MAP4K2: variants seen among roughly 807,000 people sequenced by gnomAD.
MAP4K2 encodes the protein mitogen-activated protein kinase kinase kinase kinase 2.
In MAP4K2, 85 loss-of-function variants were observed where a neutral mutation model predicts 125.3. That is an observed-to-expected ratio of 0.68 (90% CI 0.57 to 0.81). MAP4K2 has a LOEUF of 0.81. MAP4K2 is among the 40% of genes least tolerant of loss of function. The pLI, the probability that MAP4K2 is intolerant of heterozygous loss-of-function variation, is 0.00. For synonymous variants in MAP4K2, 479 were observed against 445.1 expected, an observed-to-expected ratio of 1.08 and a Z score of -0.96; for missense variants, 923 against 1,056.4, an observed-to-expected ratio of 0.87 and a Z score of 1.75.
chr11:64,796,667 G>A lies in MAP4K2; in HGVS notation c.1539C>T (p.Asn513=). 2 of 1,614,144 alleles carry A rather than the reference G, an allele frequency of 1.2e-6. No homozygotes were observed. Among genetic ancestry groups the A allele is most frequent in the Non-Finnish European group, 1.7e-6 (2 of 1,180,036 alleles). Residue 513 remains asparagine, a synonymous_variant, in exon 22 of 32, where the codon AAC becomes AAT. Transcript: ENST00000294066. ...VGAEEGIYTL[N]LHELHEDTLE... ...GCGTATCCTCATGCAGTTCATGCAG[G>A]TTGAGTGTGTAGATGCCTTCCTCGG...
At chr11:64,802,758 T>C in intron 2 of MAP4K2, 105 bp from the exon 3 acceptor site, 1 of 1,463,576 alleles carries the variant, frequency 6.8e-7, no homozygotes, top group Non-Finnish European at 9.4e-7. Context: ...GCCAGGCAGG[T>C]GCAGGTGACA....
In MAP4K2 at chr11:64,792,353, C is replaced by T. The variant is rs769373853; in HGVS notation, c.1810+11G>A. On this transcript the variant is annotated intron_variant, in intron 25 of 31. Transcript: ENST00000294066. ...CAGGCCCCGCCCCACCCCGCCCAGC[C>T]CATTTCTTACCCACACGACACTGCA... is the stretch of plus-strand genomic sequence containing the variant. The T allele has an allele frequency of 1.3e-6, 2 of 1,574,660 alleles. No individual in the cohort carries two copies. The highest frequency in any genetic ancestry group is 1.7e-6 in the Non-Finnish European group (2 of 1,159,318).
Position 64,797,358 on chromosome 11 carries a change from G to A in MAP4K2, c.1193C>T (p.Thr398Ile). Residue 398 changes from threonine (T) to isoleucine (I), a missense_variant, in exon 18 of 32, where the codon ACC (threonine) becomes ATC (isoleucine). Coordinates refer to ENST00000294066, the MANE Select transcript of MAP4K2 (RefSeq NM_004579.5). ...EFQELDSPDD[T>I]MGTIKRAPFL... ...CGGGGCCCGCTTGATGGTTCCCATG[G>A]TATCGTCTGGGGAGTCCAGCTCCTG... 1 of 1,593,412 alleles carries A rather than the reference G, an allele frequency of 6.3e-7. No homozygotes were observed.
intron 10 of MAP4K2, 49 bp from the exon 11 acceptor site, chr11:64,800,441 G>T: frequency 6.3e-7 from 1 of 1,591,962 alleles, no homozygotes. Context: ...TAGCCCTCGT[G>T]CAGGGTGTCC....
chr11:64,789,490 C>G lies in MAP4K2; in HGVS notation c.*47G>C. ...CCCCTTTGCCCAAAAGGGCCTGCAG[C>G]TAAGGCGTGGGGTGGGGCGGGGAGC... On this transcript the variant is annotated 3_prime_UTR_variant, in exon 32 of 32. Coordinates refer to ENST00000294066, the MANE Select transcript of MAP4K2 (RefSeq NM_004579.5). The G allele has an allele frequency of 1.3e-6, 2 of 1,530,326 alleles. No homozygotes were observed. Among genetic ancestry groups the G allele is most frequent in the Non-Finnish European group, 1.8e-6 (2 of 1,127,738 alleles). The allele number at this position is 1,530,326 out of a possible 1,614,324, so 94.8% of individuals were successfully genotyped here. A position where few individuals can be genotyped will look rare whatever the true frequency, so the allele number is the denominator to read the frequency against.
Position 64,798,858 on chromosome 11 carries a change from G to C in MAP4K2, c.1054-21C>G. Reference sequence around the variant, plus strand: ...TCCCACTGGGGGAAACCAAGGTAGAGACCGGGGAAGAAGCAGAGACAGATG... The same window carrying C: ...TCCCACTGGGGGAAACCAAGGTAGACACCGGGGAAGAAGCAGAGACAGATG... On this transcript the variant is annotated intron_variant, in intron 14 of 31. Transcript: ENST00000294066. 2.5e-6 allele frequency: 4 copies of C among 1,580,034 alleles called. No homozygotes were observed. In the South Asian group the frequency reaches 3.5e-5, roughly 14 times the overall value.
In MAP4K2 at chr11:64,786,847, CA is replaced by C. The variant is rs2136030214; in HGVS notation, c.*2689del. ...ATTTCCACCAATAGGGATCTCACTG[CA>C]GGTCATTAACATTTGTTATGGGAAA... On this transcript the variant is annotated 3_prime_UTR_variant, in exon 32 of 32. Coordinates refer to ENST00000294066, the MANE Select transcript of MAP4K2 (RefSeq NM_004579.5). The C allele has an allele frequency of 6.6e-6, 1 of 151,588 alleles. No individual in the cohort carries two copies. Among genetic ancestry groups the C allele is most frequent in the Admixed American group, 6.6e-5 (1 of 15,224 alleles). 9.4% of individuals were successfully genotyped at this position (151,588 alleles called of 1,614,324 possible).
Position 64,802,875 on chromosome 11 carries a change from G to C in MAP4K2, c.154+10C>G, listed in dbSNP as rs190283268. On this transcript the variant is annotated intron_variant, in intron 2 of 31. Transcript: ENST00000294066. ...TTCCTCTGGCGCAGAGGCCCGACCCGGGCCCTCACCTGGGTCTAGCTTGAC... is the reference window on the plus strand; with the variant it reads ...TTCCTCTGGCGCAGAGGCCCGACCCCGGCCCTCACCTGGGTCTAGCTTGAC... 6.3e-7 allele frequency: 1 copy of C among 1,598,798 alleles called. No individual in the cohort carries two copies. Among genetic ancestry groups the C allele is most frequent in the African/African-American group, 1.3e-5 (1 of 74,532 alleles).
chr11:64,802,711 C>A, intron 2 of MAP4K2, 58 bp from the exon 3 acceptor site: 1 of 1,550,620 alleles, frequency 6.4e-7, no homozygotes, highest in East Asian at 2.3e-5. Flanking sequence ...ACTCAGTGCC[C>A]CCATCTGCAA....
intron 4 of MAP4K2, 126 bp downstream of exon 4, chr11:64,802,293 A>G: frequency 8.7e-7 from 1 of 1,155,794 alleles, no homozygotes. Context: ...ATTTCTCTCA[A>G]GGTCACACAG....
At position 64,790,197 on chromosome 11, in the gene MAP4K2, C is replaced by T. The variant is rs148398112; in HGVS notation, c.2239G>A (p.Glu747Lys). The T allele has an allele frequency of 3.7e-6, 6 of 1,614,150 alleles. No individual in the cohort carries two copies. In the African/African-American group the frequency reaches 6.7e-5, roughly 18 times the overall value. The part of the protein sequence containing the change: ...APELTFDFPI[E>K]TVVCLQDSVL... The stretch of plus-strand genomic sequence containing the variant: ...CCTCTGGCTCACTCACCCACAGTCT[C>T]GATGGGGAAATCAAAGGTCAGCTCA... The change falls in exon 29 of 32, where the codon GAG becomes AAG. Residue 747 changes from glutamate to lysine, a missense_variant. Transcript: ENST00000294066.
Position 64,788,984 on chromosome 11 carries a change from T to G in MAP4K2, c.*553A>C, listed in dbSNP as rs199655584. 1.2e-5 allele frequency: 2 copies of G among 162,722 alleles called. No homozygotes were observed. Among genetic ancestry groups the G allele is most frequent in the East Asian group, 3.7e-4 (2 of 5,440 alleles). 10.1% of individuals were successfully genotyped at this position (162,722 alleles called of 1,614,324 possible). A position where few individuals can be genotyped will look rare whatever the true frequency, so the allele number is the denominator to read the frequency against. On this transcript the variant is annotated 3_prime_UTR_variant, in exon 32 of 32. Transcript: ENST00000294066. ...GGAAGGCACAGTGCCCCTAGAAGGC[T>G]GCTGGGGGCCATGGCCTCCTGTCAC...
chr11:64,799,863 C>T (rs1182179729), intron 12 of MAP4K2, among the ~76,000 whole-genome samples, 180 bp from the exon 13 acceptor site: 1 of 152,220 alleles, frequency 6.6e-6, no homozygotes, highest in African/African-American at 2.4e-5. Flanking sequence ...TGCCAAAGAT[C>T]ACACAGAAAG....
At chr11:64,799,539 C>A in intron 13 of MAP4K2, 60 bp from the exon 14 acceptor site, 1 of 1,612,536 alleles carries the variant, frequency 6.2e-7, no homozygotes, top group Middle Eastern at 1.7e-4. Flanking sequence ...CCTCTACTCA[C>A]ACCAAATCCA....
Position 64,786,150 on chromosome 11 carries a change from A to G in MAP4K2, c.*3387T>C, listed in dbSNP as rs985095485. 2.1e-4 allele frequency: 32 copies of G among 152,310 alleles called. No individual in the cohort carries two copies. Among genetic ancestry groups the G allele is most frequent in the African/African-American group, 7.7e-4 (32 of 41,552 alleles). The allele number at this position is 152,310 out of a possible 1,614,324, so 9.4% of individuals were successfully genotyped here. A position where few individuals can be genotyped will look rare whatever the true frequency, so the allele number is the denominator to read the frequency against. The stretch of plus-strand genomic sequence containing the variant: ...GTATCTTGGGCATGTATTGCTAAAC[A>G]ATAGATGGTTTCATTTTGTTTTTGA... On this transcript the variant is annotated 3_prime_UTR_variant, in exon 32 of 32. Transcript: ENST00000294066.
Position 64,789,112 on chromosome 11 carries a change from C to A in MAP4K2, c.*425G>T. Reference sequence around the variant, plus strand: ...GGCGGGAGATGAGGTGGGTTCACTCCCCCTACCCAGAGGGACCAGAGGACT... The same window carrying A: ...GGCGGGAGATGAGGTGGGTTCACTCACCCTACCCAGAGGGACCAGAGGACT... On this transcript the variant is annotated 3_prime_UTR_variant, in exon 32 of 32. Coordinates refer to ENST00000294066, the MANE Select transcript of MAP4K2 (RefSeq NM_004579.5). The A allele has an allele frequency of 5.2e-6, 1 of 193,262 alleles. No individual in the cohort carries two copies. 12.0% of individuals were successfully genotyped at this position (193,262 alleles called of 1,614,324 possible). A position where few individuals can be genotyped will look rare whatever the true frequency, so the allele number is the denominator to read the frequency against.
chr11:64,789,483 C>T lies in MAP4K2; in HGVS notation c.*54G>A. On this transcript the variant is annotated 3_prime_UTR_variant, in exon 32 of 32. Coordinates refer to ENST00000294066, the MANE Select transcript of MAP4K2 (RefSeq NM_004579.5). ...GGATGGGCCCCTTTGCCCAAAAGGG[C>T]CTGCAGCTAAGGCGTGGGGTGGGGC... is the stretch of plus-strand genomic sequence containing the variant. 6.6e-7 allele frequency: 1 copy of T among 1,508,332 alleles called. No homozygotes were observed. The highest frequency in any genetic ancestry group is 1.4e-5 in the African/African-American group (1 of 72,312). The allele number at this position is 1,508,332 out of a possible 1,614,324, so 93.4% of individuals were successfully genotyped here.
chr11:64,796,576 T>C, intron 22 of MAP4K2, 23 bp from the exon 23 acceptor site: 5 of 1,613,870 alleles, frequency 3.1e-6, no homozygotes, highest in Middle Eastern at 1.6e-4. Context: ...GAGGGACAGA[T>C]GGTCAGCACC....
At chr11:64,799,144 C>G (rs1252949458) in intron 14 of MAP4K2, among the ~76,000 whole-genome samples, 1 of 152,148 alleles carries the variant, frequency 6.6e-6, no homozygotes, top group Non-Finnish European at 1.5e-5. Flanking sequence ...CGAGGCTGAG[C>G]AGGGTAGGGT....
Sources: allele counts gnomAD v4.1 joint callset (sites outside exome capture counted in the v4.1 genomes callset), GRCh38; gene constraint gnomAD v4.1.1; transcripts MANE v1.5; gene names NCBI Gene and HGNC (gene_info 2026-07-23, HGNC 2026-07-21).